Variants in CCDC39 observed in about 807,000 individuals in gnomAD.
CCDC39 encodes coiled-coil domain 39 molecular ruler complex subunit.
Under a neutral mutation model 121.0 loss-of-function variants are expected in CCDC39, and 113 were observed. The observed-to-expected ratio is 0.93, with a 90% confidence interval of 0.80 to 1.09. The LOEUF (loss-of-function observed/expected upper bound fraction) is 1.09. Ranked by LOEUF, CCDC39 falls within the 50% of genes least tolerant of loss-of-function variation. CCDC39 has a pLI of 0.00. For missense variants in CCDC39, 1,063 were observed against 1,074.7 expected (o/e 0.99, Z 0.15); for synonymous variants, 349 against 352.2 (o/e 0.99, Z 0.10).
chr3:180,614,740 T>A lies in CCDC39; in HGVS notation c.*181A>T. 7.4e-6 allele frequency: 4 copies of A among 536,934 alleles called. No homozygotes were observed. Among genetic ancestry groups the A allele is most frequent in the Non-Finnish European group, 1.3e-5 (4 of 313,470 alleles). 33.3% of individuals were successfully genotyped at this position (536,934 alleles called of 1,614,324 possible). A position where few individuals can be genotyped will look rare whatever the true frequency, so the allele number is the denominator to read the frequency against. ...TTGTCAAGAATCTGCTATTAATTTCTTCAGTATGAAGAAAACAGTAGAGAA... is the reference window on the plus strand; with the variant it reads ...TTGTCAAGAATCTGCTATTAATTTCATCAGTATGAAGAAAACAGTAGAGAA... On this transcript the variant is annotated 3_prime_UTR_variant, in exon 20 of 20. Coordinates refer to ENST00000476379, the MANE Select transcript of CCDC39 (RefSeq NM_181426.2).
intron 6 of CCDC39, 105 bp downstream of exon 6, chr3:180,659,347 A>G (rs1711679901): frequency 4.9e-6 from 7 of 1,420,036 alleles, no homozygotes; most frequent in Middle Eastern, 1.9e-4. Flanking sequence ...ATATTGCTAC[A>G]AAAGTGACTT....
In CCDC39 at chr3:180,628,345, C is replaced by G. The variant is rs140057706; in HGVS notation, c.1998+3124G>C. Among the ~76,000 whole-genome samples, 1,139 of 152,202 alleles carry G rather than the reference C, an allele frequency of 7.5e-3. 15 individuals are homozygous for G. Among genetic ancestry groups the G allele is most frequent in the African/African-American group, 0.027 (1,101 of 41,508 alleles). ...GCCTCAGCCTCCCGAGGAGCTGGGA[C>G]TACAGGTGCCCACCACCACACCCGG... is the stretch of plus-strand genomic sequence containing the variant. On this transcript the variant is annotated intron_variant, in intron 14 of 19. Transcript: ENST00000476379.
intron 4 of CCDC39, among the ~76,000 whole-genome samples, 197 bp from the exon 5 acceptor site, chr3:180,659,966 A>T (rs1263612852): frequency 6.6e-6 from 1 of 152,040 alleles, no homozygotes; most frequent in Non-Finnish European, 1.5e-5. Context: ...CTGCATAAAA[A>T]CTCAATTGTT....
Position 180,614,751 on chromosome 3 carries a change from G to T in CCDC39, c.*170C>A. The T allele has an allele frequency of 1.8e-6, 1 of 561,802 alleles. No homozygotes were observed. Among genetic ancestry groups the T allele is most frequent in the South Asian group, 2.7e-5 (1 of 36,604 alleles). The allele number at this position is 561,802 out of a possible 1,614,324, so 34.8% of individuals were successfully genotyped here. A position where few individuals can be genotyped will look rare whatever the true frequency, so the allele number is the denominator to read the frequency against. On this transcript the variant is annotated 3_prime_UTR_variant, in exon 20 of 20. Transcript: ENST00000476379. The stretch of plus-strand genomic sequence containing the variant: ...CTGCTATTAATTTCTTCAGTATGAA[G>T]AAAACAGTAGAGAAAATGAGAACGT...
intron 13 of CCDC39, among the ~76,000 whole-genome samples, chr3:180,639,932 A>G (rs1468673010): frequency 6.6e-6 from 1 of 152,142 alleles, no homozygotes; most frequent in Non-Finnish European, 1.5e-5. Flanking sequence ...GAATTTCAAA[A>G]TAATTATGCT....
chr3:180,651,599 T>C (rs1185556196), intron 8 of CCDC39, 66 bp from the exon 9 acceptor site: 1 of 1,383,154 alleles, frequency 7.2e-7, no homozygotes. Flanking sequence ...AAACAAATAA[T>C]AGTTTATCCT....
At chr3:180,655,893 GA>G (rs1012015144) in intron 6 of CCDC39, among the ~76,000 whole-genome samples, 4 of 151,938 alleles carry the variant, frequency 2.6e-5, no homozygotes, top group South Asian at 2.1e-4. Context: ...GGATGAATTA[GA>G]AAAAAAATTA....
At chr3:180,633,310 CA>C in intron 13 of CCDC39, among the ~76,000 whole-genome samples, 1 of 152,192 alleles carries the variant, frequency 6.6e-6, no homozygotes, top group South Asian at 2.1e-4. Context: ...AAGCAAATGG[CA>C]AAAATGAACA....
rs764888716 is a variant in CCDC39, at chr3:180,616,878, A to G, written c.2354T>C (p.Leu785Pro). 6.3e-7 allele frequency: 1 copy of G among 1,598,794 alleles called. No individual in the cohort carries two copies. The highest frequency in any genetic ancestry group is 8.6e-7 in the Non-Finnish European group (1 of 1,167,394). The change falls in exon 17 of 20, where the codon CTA becomes CCA. Residue 785 changes from leucine (L) to proline (P), a missense_variant. Coordinates refer to ENST00000476379, the MANE Select transcript of CCDC39 (RefSeq NM_181426.2). ...LSEKQAYSFQ[L>P]SKETEEQKPK... ...CTTCTGCTCCTCCGTTTCTTTACTT[A>G]GTTGAAATGAATAAGCCTGCTTCTC...
At chr3:180,660,839 A>T (rs1711725967) in intron 3 of CCDC39, 111 bp from the exon 4 acceptor site, 1 of 827,508 alleles carries the variant, frequency 1.2e-6, no homozygotes, top group Non-Finnish European at 1.8e-6. Flanking sequence ...AAATGAGGAA[A>T]TCCTGTCCCT....
At chr3:180,645,559 A>AT (rs1414390564) in intron 11 of CCDC39, among the ~76,000 whole-genome samples, 5 of 152,192 alleles carry the variant, frequency 3.3e-5, no homozygotes, top group Admixed American at 6.5e-5. Context: ...AAGAAGAGGA[A>AT]TTTTTTGCAT....
intron 16 of CCDC39, among the ~76,000 whole-genome samples, chr3:180,618,636 C>T (rs1717337963): frequency 6.6e-6 from 1 of 152,060 alleles, no homozygotes; most frequent in Non-Finnish European, 1.5e-5. Context: ...CAATTCCCAC[C>T]TACGAGTGAG....
At chr3:180,674,102 A>G (rs958210888) in intron 1 of CCDC39, among the ~76,000 whole-genome samples, 6 of 152,052 alleles carry the variant, frequency 3.9e-5, no homozygotes, top group African/African-American at 1.4e-4. Context: ...GATTCTTCCT[A>G]TTCATGAGCA....
chr3:180,651,541 G>A lies in CCDC39; in HGVS notation c.1035-8C>T. On this transcript the variant is annotated splice_polypyrimidine_tract_variant and splice_region_variant and intron_variant, in intron 8 of 19. Transcript: ENST00000476379. Reference sequence around the variant, plus strand: ...TTTTTAGTTTTTTGTAACCTGAAGAGGGTTTATCACAAAAAGATAGAAAAC... The same window carrying A: ...TTTTTAGTTTTTTGTAACCTGAAGAAGGTTTATCACAAAAAGATAGAAAAC... The A allele has an allele frequency of 2.0e-6, 3 of 1,509,552 alleles. No homozygotes were observed. Among genetic ancestry groups the A allele is most frequent in the Admixed American group, 2.5e-5 (1 of 40,176 alleles). 93.5% of individuals were successfully genotyped at this position (1,509,552 alleles called of 1,614,324 possible). A position where few individuals can be genotyped will look rare whatever the true frequency, so the allele number is the denominator to read the frequency against.
chr3:180,636,339 G>A (rs1012005366), intron 13 of CCDC39, among the ~76,000 whole-genome samples: 3 of 152,076 alleles, frequency 2.0e-5, no homozygotes, highest in Admixed American at 6.6e-5. Context: ...AATCAGGAAC[G>A]CAATCCCATT....
intron 7 of CCDC39, among the ~76,000 whole-genome samples, chr3:180,652,468 C>T (rs1711505378): frequency 6.6e-6 from 1 of 151,914 alleles, no homozygotes; most frequent in Non-Finnish European, 1.5e-5. Flanking sequence ...TTGTATAATC[C>T]TAGCAAATTA....
chr3:180,620,401 T>C (rs569693003), intron 14 of CCDC39, among the ~76,000 whole-genome samples: 45 of 152,094 alleles, frequency 3.0e-4, no homozygotes, highest in African/African-American at 1.1e-3. Context: ...TGGCATGTAT[T>C]TTGCCACAAT....
chr3:180,635,286 C>A (rs1321534662), intron 13 of CCDC39, among the ~76,000 whole-genome samples: 1 of 152,148 alleles, frequency 6.6e-6, no homozygotes, highest in Non-Finnish European at 1.5e-5. Context: ...GGTGGGGACA[C>A]AGAGCCAAAC....
At position 180,679,134 on chromosome 3, in the gene CCDC39, A is replaced by T. The variant is rs1712319571; in HGVS notation, c.90+157T>A. Among the ~76,000 whole-genome samples the T allele has an allele frequency of 6.6e-6, 1 of 152,136 alleles. No individual in the cohort carries two copies. ...GCTTAACAATTACTGAAATAGGCAG[A>T]GAGGGTAAGGGAGGAGGGCGATGGT... On this transcript the variant is annotated intron_variant, in intron 1 of 19. Coordinates refer to ENST00000476379, the MANE Select transcript of CCDC39 (RefSeq NM_181426.2). The surrounding 1 kb of genome is among the most constrained non-coding windows in gnomAD (Gnocchi z 4.0).
Sources: gnomAD v4.1 joint callset for allele counts (sites outside exome capture counted in the v4.1 genomes callset) on GRCh38, gnomAD v4.1.1 for gene constraint, Gnocchi (gnomAD v3.1) non-coding constraint, MANE v1.5 for transcripts, NCBI Gene and HGNC (gene_info 2026-07-23, HGNC 2026-07-21) for gene names.